Variants in CTNNA2 observed in about 807,000 individuals in gnomAD.
CTNNA2 encodes catenin alpha-2.
In CTNNA2, 42 loss-of-function variants were observed where a neutral mutation model predicts 101.0. The ratio of observed to expected loss-of-function variants is 0.42; its 90% CI spans 0.32 to 0.54. The LOEUF is 0.54. CTNNA2 is among the 20% of genes least tolerant of loss of function. The pLI, the probability that CTNNA2 is intolerant of heterozygous loss-of-function variation, is 0.14. For missense variants in CTNNA2, 871 were observed against 1,223.1 expected (o/e 0.71, Z 4.29); for synonymous variants, 450 against 456.4 (o/e 0.99, Z 0.18).
chr2:80,015,093 T>C (rs1694050954), intron 7 of CTNNA2, among the ~76,000 whole-genome samples: 1 of 152,200 alleles, frequency 6.6e-6, no homozygotes. Context: ...AGTAGTGTAA[T>C]GGATGGACAG....
At chr2:80,559,886 A>ATATATT (rs1693402669) in intron 12 of CTNNA2, among the ~76,000 whole-genome samples, 2 of 140,108 alleles carry the variant, frequency 1.4e-5, no homozygotes, top group Non-Finnish European at 3.1e-5. Flanking sequence ...ATTTATATAT[A>ATATATT]TATATACACA....
At chr2:79,820,160 A>T (rs949009002) in intron 3 of CTNNA2, among the ~76,000 whole-genome samples, 8 of 152,160 alleles carry the variant, frequency 5.3e-5, no homozygotes, top group Non-Finnish European at 1.0e-4. Flanking sequence ...TGTTTCTAGG[A>T]TTATCTATAA....
At chr2:79,725,552 G>C (rs910448781) in intron 2 of CTNNA2, among the ~76,000 whole-genome samples, 2 of 152,164 alleles carry the variant, frequency 1.3e-5, no homozygotes, top group African/African-American at 4.8e-5. Flanking sequence ...ATAACATAAA[G>C]CTTGGCTTTG....
At chr2:80,377,413 A>G (rs1001124217) in intron 7 of CTNNA2, among the ~76,000 whole-genome samples, 12 of 152,116 alleles carry the variant, frequency 7.9e-5, no homozygotes, top group African/African-American at 2.9e-4. Flanking sequence ...TCTTATTTTT[A>G]CCATAATCTT....
At chr2:80,256,091 C>A (rs1363078535) in intron 7 of CTNNA2, among the ~76,000 whole-genome samples, 2 of 152,106 alleles carry the variant, frequency 1.3e-5, no homozygotes, top group African/African-American at 4.8e-5. Context: ...CACAGCCCCA[C>A]TCTCAGTAGC....
rs185908484 is a variant in CTNNA2 at position 79,385,547 on chromosome 2, G to A, written c.-135+11534G>A. 4.8e-3 allele frequency among the ~76,000 whole-genome samples: 718 copies of A among 148,476 alleles called. 13 individuals carry two copies. Among genetic ancestry groups the A allele is most frequent in the Admixed American group, 0.035 (517 of 14,682 alleles). On this transcript the variant is annotated intron_variant, in intron 4 of 21. Transcript: ENST00000466387. ...TTATTTTGTTTTACTTTTAGTTCTG[G>A]GATACAAGTGCAGAATGTGCAGGTT...
chr2:79,562,059 C>T (rs557393504), intron 1 of CTNNA2, among the ~76,000 whole-genome samples: 2 of 151,976 alleles, frequency 1.3e-5, no homozygotes, highest in Non-Finnish European at 2.9e-5. Flanking sequence ...ATATTTATGC[C>T]TGTATTTTCT....
chr2:80,640,326 C>A (rs1673329825), intron 18 of CTNNA2, among the ~76,000 whole-genome samples: 1 of 152,120 alleles, frequency 6.6e-6, no homozygotes, highest in Non-Finnish European at 1.5e-5. Flanking sequence ...GAGCAAGGTG[C>A]CTGAGTGATT....
intron 2 of CTNNA2, among the ~76,000 whole-genome samples, chr2:79,288,252 T>A (rs1675678798): frequency 6.6e-6 from 1 of 152,254 alleles, no homozygotes; most frequent in Non-Finnish European, 1.5e-5. Context: ...CTGTTCCTAT[T>A]CGGCCATCTT....
At chr2:80,383,947 G>A (rs2149353141) in intron 7 of CTNNA2, among the ~76,000 whole-genome samples, 1 of 152,252 alleles carries the variant, frequency 6.6e-6, no homozygotes, top group African/African-American at 2.4e-5. Context: ...AATGGATAAA[G>A]AAAATGTGTC....
intron 2 of CTNNA2, among the ~76,000 whole-genome samples, chr2:79,707,354 A>C (rs1685451512): frequency 6.6e-6 from 1 of 152,204 alleles, no homozygotes; most frequent in African/African-American, 2.4e-5. Context: ...TTACATGTAG[A>C]GAGAGACCAG....
rs137885490 is a variant in CTNNA2, at chr2:79,549,074, A to G, written c.-6+35867A>G. Among the ~76,000 whole-genome samples the G allele has an allele frequency of 2.2e-3, 338 of 152,274 alleles. 1 individual carries two copies. The highest frequency in any genetic ancestry group is 3.5e-3 in the South Asian group (17 of 4,826). ...AGTAATACTTCAGAAACTCAGGCTT[A>G]TTTCTGATTGTCCATCCAAAAACAA... On this transcript the variant is annotated intron_variant, in intron 1 of 18. Transcript: ENST00000402739.
At chr2:79,889,302 A>G (rs1034265190) in intron 6 of CTNNA2, among the ~76,000 whole-genome samples, 4 of 152,232 alleles carry the variant, frequency 2.6e-5, no homozygotes, top group East Asian at 1.9e-4. Flanking sequence ...AAACTTCACT[A>G]TAACCTATTG....
chr2:79,659,791 G>T (rs1292751795), intron 2 of CTNNA2, among the ~76,000 whole-genome samples: 3 of 152,202 alleles, frequency 2.0e-5, no homozygotes, highest in Admixed American at 6.5e-5. Context: ...GAGGCCAGGA[G>T]TTCGAGACCA....
At chr2:80,477,987 T>C (rs1685860607) in intron 9 of CTNNA2, among the ~76,000 whole-genome samples, 1 of 152,032 alleles carries the variant, frequency 6.6e-6, no homozygotes, top group Non-Finnish European at 1.5e-5. Flanking sequence ...TCCTTAGAGG[T>C]CGTACTAATT....
At chr2:79,508,955 GTATATATA>G (rs530470576), upstream of CTNNA2, among the ~76,000 whole-genome samples, 91 of 90,792 alleles carry the variant, frequency 1.0e-3, 1 homozygote, top group Non-Finnish European at 1.1e-3. Context: ...CACCATTGCA[GTATATATA>G]TATATATATA....
chr2:79,199,397 C>CA (rs1300706744), intron 2 of CTNNA2, among the ~76,000 whole-genome samples: 7 of 151,938 alleles, frequency 4.6e-5, no homozygotes, highest in Admixed American at 4.6e-4. Context: ...CAATTTTGCC[C>CA]AAAAAAGAAA....
intron 9 of CTNNA2, among the ~76,000 whole-genome samples, chr2:80,445,491 C>T (rs189202174): frequency 7.2e-5 from 11 of 152,246 alleles, no homozygotes; most frequent in Admixed American, 6.5e-4. Flanking sequence ...CCGTTATTTG[C>T]AAGCTTAATA....
intron 7 of CTNNA2, among the ~76,000 whole-genome samples, chr2:80,174,897 C>T (rs1245227830): frequency 1.3e-5 from 2 of 152,198 alleles, no homozygotes; most frequent in African/African-American, 4.8e-5. Context: ...AGCCTCCCAA[C>T]TGATTTATTA....
Sources: gnomAD v4.1 joint callset for allele counts (sites outside exome capture counted in the v4.1 genomes callset) on GRCh38, gnomAD v4.1.1 for gene constraint, MANE v1.5 for transcripts, NCBI Gene and HGNC (gene_info 2026-07-23, HGNC 2026-07-21) for gene names.